The following BBS9 variants were observed in gnomAD, a reference collection of about 807,000 sequenced individuals.
BBS9 encodes Bardet-Biedl syndrome 9, also known as protein PTHB1.
A neutral mutation model predicts 117.7 loss-of-function variants in BBS9; 89 were observed. The observed-to-expected ratio is 0.76, with a 90% CI of 0.64 to 0.90. The LOEUF (loss-of-function observed/expected upper bound fraction) is 0.90. BBS9 is among the 40% of genes least tolerant of loss of function. The pLI is 0.00. For missense variants in BBS9, 982 were observed against 1,042.2 expected (o/e 0.94, Z 0.80); for synonymous variants, 379 against 370.9 (o/e 1.02, Z -0.25).
intron 21 of BBS9, among the ~76,000 whole-genome samples, chr7:33,543,600 T>A (rs1341887576): frequency 6.6e-6 from 1 of 152,242 alleles, no homozygotes; most frequent in African/African-American, 2.4e-5. Flanking sequence ...CTTTATAGGT[T>A]ACCTGGTGTT....
intron 21 of BBS9, among the ~76,000 whole-genome samples, chr7:33,544,028 T>C (rs567245562): frequency 6.6e-6 from 1 of 152,338 alleles, no homozygotes; most frequent in East Asian, 1.9e-4. Context: ...TCTGAAAGTG[T>C]GTCCAAAGAT....
In BBS9 at chr7:33,622,249, C is replaced by T. The variant is rs183085117; in HGVS notation, c.2522-12928C>T. ...AAATAAATAAAAAAGAAAAATACTG[C>T]ATGACCTCACTTATTTGTGGAATGT... On this transcript the variant is annotated intron_variant, in intron 21 of 21. Transcript: ENST00000671952. Among the ~76,000 whole-genome samples the T allele has an allele frequency of 2.2e-3, 342 of 152,090 alleles. 2 individuals carry two copies. Among genetic ancestry groups the T allele is most frequent in the African/African-American group, 7.8e-3 (323 of 41,516 alleles).
intron 19 of BBS9, among the ~76,000 whole-genome samples, chr7:33,497,966 C>A (rs996206341): frequency 1.3e-5 from 2 of 152,082 alleles, no homozygotes; most frequent in Non-Finnish European, 2.9e-5. Flanking sequence ...TTGAAATGAG[C>A]CCTAAACTAT....
chr7:33,607,694 A>T (rs1394723788), downstream of BBS9, among the ~76,000 whole-genome samples: 1 of 151,990 alleles, frequency 6.6e-6, no homozygotes, highest in East Asian at 1.9e-4. Flanking sequence ...TTAAAAGATA[A>T]TTTTTTCTCT....
intron 19 of BBS9, among the ~76,000 whole-genome samples, chr7:33,440,998 A>G (rs1391811430): frequency 3.9e-5 from 6 of 152,198 alleles, no homozygotes; most frequent in African/African-American, 1.4e-4. Context: ...AGGTAGATAT[A>G]TTTGTCAGAA....
intron 19 of BBS9, among the ~76,000 whole-genome samples, chr7:33,400,063 T>C (rs1285596253): frequency 6.6e-6 from 1 of 152,140 alleles, no homozygotes; most frequent in African/African-American, 2.4e-5. Context: ...CTTGCTAGTG[T>C]TAGCTTGAAC....
intron 5 of BBS9, among the ~76,000 whole-genome samples, chr7:33,212,153 A>G (rs1298517215): frequency 2.0e-5 from 3 of 152,220 alleles, no homozygotes; most frequent in African/African-American, 7.2e-5. Context: ...ATCTCTTTGC[A>G]TAACGTTTCT....
chr7:33,310,264 TGTA>T (rs964410150), intron 9 of BBS9, among the ~76,000 whole-genome samples: 2 of 152,264 alleles, frequency 1.3e-5, no homozygotes, highest in Non-Finnish European at 2.9e-5. Context: ...TTAATCGTCA[TGTA>T]GTATTATTTT....
chr7:33,395,053 A>T (rs1257342800), intron 19 of BBS9, among the ~76,000 whole-genome samples: 1 of 152,192 alleles, frequency 6.6e-6, no homozygotes, highest in Non-Finnish European at 1.5e-5. Flanking sequence ...TAGCAAAATT[A>T]TGGTCAGGGT....
At chr7:33,351,398 A>T in intron 14 of BBS9, 75 bp downstream of exon 14, 1 of 942,626 alleles carries the variant, frequency 1.1e-6, no homozygotes, top group East Asian at 2.4e-5. Flanking sequence ...TAAGATGAGA[A>T]AACATACTGT....
intron 19 of BBS9, among the ~76,000 whole-genome samples, chr7:33,457,577 G>A (rs1259976345): frequency 6.6e-6 from 1 of 152,136 alleles, no homozygotes; most frequent in Non-Finnish European, 1.5e-5. Flanking sequence ...CTTACTTGTT[G>A]ATGGAATAAG....
chr7:33,514,075 A>G (rs373629030), intron 20 of BBS9, among the ~76,000 whole-genome samples: 9 of 152,362 alleles, frequency 5.9e-5, no homozygotes, highest in African/African-American at 4.8e-5. Flanking sequence ...CCTAAAAGCT[A>G]ATAGTTGCAA....
intron 15 of BBS9, among the ~76,000 whole-genome samples, chr7:33,357,561 C>T (rs1256294735): frequency 6.6e-6 from 1 of 151,630 alleles, no homozygotes; most frequent in Non-Finnish European, 1.5e-5. Flanking sequence ...ATGTAAGTGA[C>T]TATAATGTTT....
At chr7:33,425,716 G>A (rs1166773188) in intron 19 of BBS9, among the ~76,000 whole-genome samples, 2 of 152,188 alleles carry the variant, frequency 1.3e-5, no homozygotes, top group African/African-American at 4.8e-5. Flanking sequence ...GGGGAATTAA[G>A]AGACTTCTTT....
chr7:33,510,719 C>T (rs1846826636), intron 20 of BBS9, among the ~76,000 whole-genome samples: 1 of 152,168 alleles, frequency 6.6e-6, no homozygotes, highest in Admixed American at 6.6e-5. Flanking sequence ...TGTATTTCAG[C>T]TACCCAATAG....
At chr7:33,174,041 A>G (rs1301258171) in intron 4 of BBS9, among the ~76,000 whole-genome samples, 1 of 152,206 alleles carries the variant, frequency 6.6e-6, no homozygotes, top group Non-Finnish European at 1.5e-5. Context: ...AAGCCCCCTT[A>G]CTGGATACAA....
At chr7:33,517,373 GT>G (rs930011045) in intron 20 of BBS9, among the ~76,000 whole-genome samples, 4 of 152,196 alleles carry the variant, frequency 2.6e-5, no homozygotes, top group Non-Finnish European at 5.9e-5. Flanking sequence ...AACACCTGCA[GT>G]TTTTTGCCTG....
chr7:33,303,853 G>T (rs1168585398), intron 9 of BBS9, among the ~76,000 whole-genome samples: 1 of 152,066 alleles, frequency 6.6e-6, no homozygotes, highest in Admixed American at 6.5e-5. Context: ...ATCTCGGCTC[G>T]CTACAAGGTC....
At chr7:33,370,125 C>A (rs185434231) in intron 17 of BBS9, among the ~76,000 whole-genome samples, 1 of 152,156 alleles carries the variant, frequency 6.6e-6, no homozygotes, top group Non-Finnish European at 1.5e-5. Flanking sequence ...GACACCAAAC[C>A]AAATTCCCTG....
Sources: allele counts gnomAD v4.1 joint callset (sites outside exome capture counted in the v4.1 genomes callset), GRCh38; gene constraint gnomAD v4.1.1; transcripts MANE v1.5; gene names NCBI Gene and HGNC (gene_info 2026-07-23, HGNC 2026-07-21).